KNTC1: variants seen among roughly 807,000 people sequenced by gnomAD.
The protein encoded by KNTC1 is kinetochore-associated protein 1.
A neutral mutation model predicts 314.4 loss-of-function variants in KNTC1; 253 were observed. The ratio of observed to expected loss-of-function variants is 0.80; its 90% confidence interval spans 0.73 to 0.89. The LOEUF (loss-of-function observed/expected upper bound fraction) is 0.89. Ranked by LOEUF, KNTC1 falls within the 40% of genes least tolerant of loss-of-function variation. The pLI is 0.00. For missense variants in KNTC1, 2,475 were observed against 2,572.9 expected, an observed-to-expected ratio of 0.96 and a Z score of 0.82; for synonymous variants, 901 against 901.4, an observed-to-expected ratio of 1.00 and a Z score of 0.01.
At chr12:122,583,171 C>G (rs888914747) in intron 34 of KNTC1, among the ~76,000 whole-genome samples, 186 bp downstream of exon 34, 4 of 152,074 alleles carry the variant, frequency 2.6e-5, no homozygotes, top group African/African-American at 9.7e-5. Flanking sequence ...ATTAGCCAGG[C>G]ATGGTGGCAT....
At position 122,576,226 on chromosome 12, in the gene KNTC1, A is replaced by ATT. The variant is rs71308028; in HGVS notation, c.2586+336_2586+337dup. Reference sequence around the variant, plus strand: ...AGGCATGCACTACCACGCTTGGCTAATTTTTTTTTTGTATTTTTAGTAGAG... The same window carrying ATT: ...AGGCATGCACTACCACGCTTGGCTAATTTTTTTTTTTTGTATTTTTAGTAGAG... On this transcript the variant is annotated intron_variant, in intron 29 of 63. Coordinates refer to ENST00000333479, the MANE Select transcript of KNTC1 (RefSeq NM_014708.6). Among the ~76,000 whole-genome samples the ATT allele has an allele frequency of 1.7e-4, 25 of 149,922 alleles. No homozygotes were observed. The East Asian group carries it at 3.8e-3, about 23-fold the overall frequency.
At chr12:122,614,864 G>C in intron 55 of KNTC1, 127 bp from the exon 56 acceptor site, 2 of 574,116 alleles carry the variant, frequency 3.5e-6, no homozygotes, top group Admixed American at 2.9e-5. Context: ...CTGGGCAACA[G>C]AGTGAGACTC....
chr12:122,556,483 A>AT (rs1445612434), intron 16 of KNTC1, among the ~76,000 whole-genome samples: 1 of 99,028 alleles, frequency 1.0e-5, no homozygotes, highest in Non-Finnish European at 1.9e-5. Context: ...TCTACTCTCT[A>AT]CTTTTTTTTT....
chr12:122,551,143 C>A lies in KNTC1; in HGVS notation c.1087-176C>A, dbSNP rs12815961. ...ATTTATATTTCCTAGCCATTTTTTC[C>A]CAGTGTTTTTTTTTTCCTTAAATTT... is the stretch of plus-strand genomic sequence containing the variant. On this transcript the variant is annotated intron_variant, in intron 13 of 63. Coordinates refer to ENST00000333479, the MANE Select transcript of KNTC1 (RefSeq NM_014708.6). 3.0e-3 allele frequency among the ~76,000 whole-genome samples: 381 copies of A among 126,150 alleles called. 1 individual carries two copies. The highest frequency in any genetic ancestry group is 0.011 in the Middle Eastern group (3 of 262). 82.8% of individuals were successfully genotyped at this position (126,150 alleles called of 152,430 possible).
intron 20 of KNTC1, among the ~76,000 whole-genome samples, chr12:122,567,731 G>C (rs916309914): frequency 3.3e-5 from 5 of 152,184 alleles, no homozygotes; most frequent in African/African-American, 1.2e-4. Flanking sequence ...CCAGCTGCTT[G>C]GGAGGCTGAG....
intron 21 of KNTC1, among the ~76,000 whole-genome samples, chr12:122,568,692 C>T (rs891957388): frequency 4.6e-5 from 7 of 151,958 alleles, no homozygotes; most frequent in South Asian, 4.1e-4. Context: ...AAAAAGTAGC[C>T]GGGCATGGTG....
chr12:122,601,165 C>A (rs1394740584), intron 44 of KNTC1, among the ~76,000 whole-genome samples: 3 of 152,122 alleles, frequency 2.0e-5, no homozygotes, highest in Non-Finnish European at 2.9e-5. Flanking sequence ...TCACTGCAAG[C>A]TCCGCCTCCC....
intron 2 of KNTC1, among the ~76,000 whole-genome samples, chr12:122,531,061 A>T (rs1451364195): frequency 4.0e-5 from 6 of 150,736 alleles, no homozygotes; most frequent in Non-Finnish European, 8.9e-5. Flanking sequence ...TTTTTTTTTT[A>T]ATAAAAGAAA....
chr12:122,587,591 A>C, intron 38 of KNTC1, 120 bp from the exon 39 acceptor site: 1 of 712,558 alleles, frequency 1.4e-6, no homozygotes, highest in Non-Finnish European at 2.1e-6. Flanking sequence ...CTAACTGAGA[A>C]CAAACTCCAT....
intron 13 of KNTC1, among the ~76,000 whole-genome samples, chr12:122,550,218 T>C (rs1010791633): frequency 1.6e-4 from 25 of 152,216 alleles, no homozygotes; most frequent in African/African-American, 5.8e-4. Flanking sequence ...TTACCACATT[T>C]GTTTAATTTC....
chr12:122,543,750 T>C (rs927589490), intron 7 of KNTC1, 116 bp downstream of exon 7: 3 of 639,478 alleles, frequency 4.7e-6, no homozygotes, highest in Middle Eastern at 4.5e-4. Context: ...TATTATGATA[T>C]AACATTTTAA....
At position 122,624,707 on chromosome 12, in the gene KNTC1, T is replaced by G; in HGVS notation, c.6606+19T>G. ...TCTGAAGGTAAAGCTGATGGAAAGTTCTTAGGTTCTAACTTGACATTGTTT... is the reference window on the plus strand; with the variant it reads ...TCTGAAGGTAAAGCTGATGGAAAGTGCTTAGGTTCTAACTTGACATTGTTT... On this transcript the variant is annotated intron_variant, in intron 63 of 63. Transcript: ENST00000333479. The G allele has an allele frequency of 6.4e-7, 1 of 1,562,782 alleles. No homozygotes were observed. Among genetic ancestry groups the G allele is most frequent in the Non-Finnish European group, 8.8e-7 (1 of 1,133,202 alleles).
intron 7 of KNTC1, among the ~76,000 whole-genome samples, 182 bp from the exon 8 acceptor site, chr12:122,543,977 A>T (rs560333414): frequency 8.7e-4 from 132 of 151,414 alleles, no homozygotes; most frequent in African/African-American, 3.0e-3. Context: ...TGAACTCGGG[A>T]GGCAGAGGTT....
At chr12:122,573,111 G>T in intron 25 of KNTC1, 31 bp from the exon 26 acceptor site, 2 of 1,613,730 alleles carry the variant, frequency 1.2e-6, no homozygotes, top group Non-Finnish European at 1.7e-6. Flanking sequence ...GGTAGAGTCT[G>T]TATTTATTCC....
intron 40 of KNTC1, among the ~76,000 whole-genome samples, chr12:122,590,236 T>G (rs1869991516): frequency 6.6e-6 from 1 of 152,144 alleles, no homozygotes; most frequent in South Asian, 2.1e-4. Flanking sequence ...ATATTTTGTA[T>G]ATATTTTTTG....
chr12:122,541,605 A>G (rs1962344803), intron 5 of KNTC1, among the ~76,000 whole-genome samples: 1 of 151,076 alleles, frequency 6.6e-6, no homozygotes, highest in Non-Finnish European at 1.5e-5. Context: ...TTGGCCTCCC[A>G]AAGTGTTGGC....
chr12:122,618,564 C>T lies in KNTC1; in HGVS notation c.6149+19C>T, dbSNP rs1481485624. 4.5e-6 allele frequency: 7 copies of T among 1,569,578 alleles called. No homozygotes were observed. Among genetic ancestry groups the T allele is most frequent in the Non-Finnish European group, 4.3e-6 (5 of 1,157,474 alleles). On this transcript the variant is annotated intron_variant, in intron 59 of 63. Transcript: ENST00000333479. The stretch of plus-strand genomic sequence containing the variant: ...TCCTCGAGTAAGCAAAATATTTGTT[C>T]TACCAAAAAAAAAAAAAGTTTGTTG...
At chr12:122,581,379 A>G (rs1252690676) in intron 33 of KNTC1, among the ~76,000 whole-genome samples, 1 of 151,708 alleles carries the variant, frequency 6.6e-6, no homozygotes, top group Non-Finnish European at 1.5e-5. Flanking sequence ...TTGTATTTTA[A>G]GTAGAGTTGG....
chr12:122,568,490 G>A, intron 21 of KNTC1, 118 bp downstream of exon 21: 1 of 734,030 alleles, frequency 1.4e-6, no homozygotes, highest in South Asian at 1.6e-5. Context: ...TTTTTTGATT[G>A]GTTCTTAAAA....
Sources: gnomAD v4.1 joint callset for allele counts (sites outside exome capture counted in the v4.1 genomes callset) on GRCh38, gnomAD v4.1.1 for gene constraint, MANE v1.5 for transcripts, NCBI Gene and HGNC (gene_info 2026-07-23, HGNC 2026-07-21) for gene names.